Variants in ROBO2 observed in about 807,000 individuals in gnomAD.
ROBO2 encodes the protein roundabout guidance receptor 2.
A neutral mutation model predicts 160.8 loss-of-function variants in ROBO2; 53 were observed. The ratio of observed to expected loss-of-function variants is 0.33; its 90% CI spans 0.26 to 0.41. ROBO2 has a LOEUF of 0.41. Among genes scored for constraint, ROBO2 ranks in the 10% least tolerant of loss-of-function variants. The probability of loss-of-function intolerance (pLI) is 1.00; values close to 1 mark genes in which losing one functional copy is unlikely to be tolerated. For missense variants in ROBO2, 1,577 were observed against 1,722.4 expected, an observed-to-expected ratio of 0.92 and a Z score of 1.49; for synonymous variants, 664 against 611.7, an observed-to-expected ratio of 1.09 and a Z score of -1.26.
chr3:76,757,691 T>G (rs1013879961), intron 2 of ROBO2, among the ~76,000 whole-genome samples: 3 of 151,684 alleles, frequency 2.0e-5, no homozygotes, highest in African/African-American at 7.3e-5. Context: ...TCTGAAACAG[T>G]GGGGGAGGGA....
chr3:76,451,305 T>C (rs1047173190), intron 2 of ROBO2, among the ~76,000 whole-genome samples: 2 of 152,164 alleles, frequency 1.3e-5, no homozygotes, highest in African/African-American at 4.8e-5. Context: ...CAGCATTATT[T>C]GTTCCTGTTT....
chr3:75,926,921 G>T (rs375177178), intron 1 of ROBO2, among the ~76,000 whole-genome samples: 32 of 152,256 alleles, frequency 2.1e-4, no homozygotes, highest in Middle Eastern at 3.4e-3. Flanking sequence ...TTTGGAAAAA[G>T]ATTATTTCCA....
chr3:76,733,913 G>T (rs2093671840), intron 2 of ROBO2, among the ~76,000 whole-genome samples: 1 of 152,162 alleles, frequency 6.6e-6, no homozygotes, highest in Non-Finnish European at 1.5e-5. Context: ...CTGTTTCATG[G>T]TTTGTAACTA....
At chr3:77,321,065 AT>A (rs1025684067) in intron 2 of ROBO2, among the ~76,000 whole-genome samples, 1 of 152,066 alleles carries the variant, frequency 6.6e-6, no homozygotes, top group African/African-American at 2.4e-5. Flanking sequence ...GGGGTTTTAG[AT>A]TTTTTTCATA....
chr3:77,603,170 C>G (rs1392781722), intron 20 of ROBO2: 1 of 427,076 alleles, frequency 2.3e-6, no homozygotes, highest in Non-Finnish European at 4.8e-6. Context: ...AGGCATTTAT[C>G]TGTCAAATGA....
intron 2 of ROBO2, among the ~76,000 whole-genome samples, chr3:77,315,562 A>C (rs114169752): frequency 1.3e-5 from 2 of 152,210 alleles, no homozygotes; most frequent in Non-Finnish European, 2.9e-5. Flanking sequence ...TTTCACTCAC[A>C]TTTTTTAAAA....
intron 2 of ROBO2, among the ~76,000 whole-genome samples, chr3:76,454,572 G>C (rs973514723): frequency 2.6e-5 from 4 of 152,054 alleles, no homozygotes; most frequent in African/African-American, 9.7e-5. Context: ...TGCTGAATAT[G>C]AACAACTATT....
intron 2 of ROBO2, among the ~76,000 whole-genome samples, chr3:77,356,111 A>G (rs557835604): frequency 6.6e-6 from 1 of 152,302 alleles, no homozygotes; most frequent in East Asian, 1.9e-4. Flanking sequence ...GGAAATAAAT[A>G]TGTAAATGTT....
At chr3:77,279,832 A>G (rs1176804194) in intron 2 of ROBO2, among the ~76,000 whole-genome samples, 1 of 152,136 alleles carries the variant, frequency 6.6e-6, no homozygotes, top group African/African-American at 2.4e-5. Context: ...GACTTCATTT[A>G]CCTTTATGTT....
At chr3:77,360,914 T>A (rs565805904) in intron 2 of ROBO2, among the ~76,000 whole-genome samples, 16 of 151,700 alleles carry the variant, frequency 1.1e-4, no homozygotes, top group African/African-American at 2.9e-4. Context: ...TTTTTCTGGC[T>A]ACATTAGTTT....
chr3:76,825,526 A>C (rs1387911119), intron 2 of ROBO2, among the ~76,000 whole-genome samples: 1 of 149,704 alleles, frequency 6.7e-6, no homozygotes, highest in East Asian at 2.0e-4. Context: ...CCTTACATAA[A>C]GTAACTACGA....
intron 2 of ROBO2, among the ~76,000 whole-genome samples, chr3:76,404,148 A>G (rs2078001507): frequency 6.6e-6 from 1 of 151,680 alleles, no homozygotes. Context: ...AGCACCTTCC[A>G]TCAAGACCAC....
At chr3:76,041,372 C>T (rs895257735) in intron 2 of ROBO2, among the ~76,000 whole-genome samples, 5 of 151,894 alleles carry the variant, frequency 3.3e-5, no homozygotes, top group South Asian at 4.1e-4. Flanking sequence ...ACTTTTGTGT[C>T]GGAGACCCTC....
intron 2 of ROBO2, among the ~76,000 whole-genome samples, chr3:77,218,661 C>A (rs145200547): frequency 6.6e-6 from 1 of 152,122 alleles, no homozygotes; most frequent in Non-Finnish European, 1.5e-5. Flanking sequence ...AGTGAGCTAC[C>A]GTGCCCGGCC....
chr3:77,306,419 A>C (rs148852250), intron 2 of ROBO2, among the ~76,000 whole-genome samples: 255 of 152,280 alleles, frequency 1.7e-3, no homozygotes, highest in African/African-American at 5.2e-3. Flanking sequence ...GTATAAACTC[A>C]AAGATATAAA....
intron 2 of ROBO2, among the ~76,000 whole-genome samples, chr3:77,114,951 T>G (rs146520852): frequency 0.011 from 1,717 of 152,260 alleles, 14 homozygotes; most frequent in Middle Eastern, 0.02. Context: ...CCACATTATC[T>G]GAACTACTGT....
intron 2 of ROBO2, among the ~76,000 whole-genome samples, chr3:77,275,577 G>T (rs1204513098): frequency 1.3e-5 from 2 of 152,102 alleles, no homozygotes; most frequent in African/African-American, 2.4e-5. Flanking sequence ...AAAATGAACT[G>T]CTATAAAAAT....
intron 2 of ROBO2, among the ~76,000 whole-genome samples, chr3:76,605,634 A>C (rs917522639): frequency 1.3e-5 from 2 of 152,166 alleles, no homozygotes. Context: ...AGACTGGAGT[A>C]ATAAATTGCT....
intron 1 of ROBO2, among the ~76,000 whole-genome samples, chr3:77,050,797 C>T (rs780824717): frequency 2.0e-5 from 3 of 150,628 alleles, no homozygotes; most frequent in African/African-American, 4.9e-5. Context: ...TCTCTTGAGC[C>T]CATGAGTTTG....
Sources: allele counts gnomAD v4.1 joint callset (sites outside exome capture counted in the v4.1 genomes callset), GRCh38; gene constraint gnomAD v4.1.1; transcripts MANE v1.5; gene names NCBI Gene and HGNC (gene_info 2026-07-23, HGNC 2026-07-21).